The following SSU72 variants were observed in gnomAD, a reference collection of about 807,000 sequenced individuals.
SSU72 encodes the protein SSU72 homolog, RNA polymerase II CTD phosphatase.
SSU72 carries 12 observed loss-of-function variants against 22.7 expected under a neutral mutation model. The ratio of observed to expected loss-of-function variants is 0.53; its 90% CI spans 0.34 to 0.86. SSU72 has a LOEUF of 0.86. Among genes scored for constraint, SSU72 ranks in the 40% least tolerant of loss-of-function variants. The pLI, the probability that SSU72 is intolerant of heterozygous loss-of-function variation, is 0.02. For synonymous variants in SSU72, 116 were observed against 98.3 expected (o/e 1.18, Z -1.06); for missense variants, 151 against 249.8 (o/e 0.60, Z 2.67).
At chr1:1,568,445 A>T (rs1217905471) in intron 1 of SSU72, among the ~76,000 whole-genome samples, 5 of 151,848 alleles carry the variant, frequency 3.3e-5, no homozygotes, top group African/African-American at 4.8e-5. Flanking sequence ...AAAAAAATAA[A>T]AAAATAAAAA....
intron 3 of SSU72, among the ~76,000 whole-genome samples, chr1:1,544,476 G>T (rs1437013139): frequency 6.6e-6 from 1 of 152,074 alleles, no homozygotes; most frequent in East Asian, 1.9e-4. Context: ...AAATCAGCTG[G>T]GTGTGGTGGC....
In SSU72 at chr1:1,544,301, C is replaced by G. The variant is rs554974993; in HGVS notation, c.365-314G>C. 7.2e-5 allele frequency among the ~76,000 whole-genome samples: 11 copies of G among 152,312 alleles called. No homozygotes were observed. The South Asian group carries it at 2.1e-3, about 29-fold the overall frequency. ...AAGACCAGCCCTCCCTGCTCCACCGCCAGCTCCACACAGGGTCCATCCGCT... is the reference window on the plus strand; with the variant it reads ...AAGACCAGCCCTCCCTGCTCCACCGGCAGCTCCACACAGGGTCCATCCGCT... On this transcript the variant is annotated intron_variant, in intron 3 of 4. Transcript: ENST00000291386.
intron 1 of SSU72, among the ~76,000 whole-genome samples, chr1:1,566,026 A>T (rs1485117799): frequency 6.6e-6 from 1 of 151,720 alleles, no homozygotes; most frequent in Non-Finnish European, 1.5e-5. Context: ...GGAGGCCGAG[A>T]CAAATGGATC....
chr1:1,571,230 G>C (rs1163417586), intron 1 of SSU72, among the ~76,000 whole-genome samples: 4 of 119,412 alleles, frequency 3.3e-5, no homozygotes, highest in Admixed American at 3.2e-4. Context: ...GGGCGACAGA[G>C]TGAGACTCCA....
At chr1:1,549,509 ACT>A (rs1274463446) in intron 2 of SSU72, among the ~76,000 whole-genome samples, 5 of 145,132 alleles carry the variant, frequency 3.4e-5, no homozygotes, top group African/African-American at 1.3e-4. Flanking sequence ...ACAGAGCGAG[ACT>A]CTGTCTCAAA....
At chr1:1,559,260 A>G (rs929314151) in intron 2 of SSU72, among the ~76,000 whole-genome samples, 1 of 152,140 alleles carries the variant, frequency 6.6e-6, no homozygotes, top group Admixed American at 6.6e-5. Flanking sequence ...GCTAAACTGG[A>G]CGGTGTGGAA....
chr1:1,560,216 G>A (rs940626999), intron 2 of SSU72, among the ~76,000 whole-genome samples: 4 of 151,954 alleles, frequency 2.6e-5, no homozygotes, highest in Admixed American at 6.6e-5. Context: ...CAAGAGTCTT[G>A]TTCTCTTCCT....
chr1:1,564,342 G>A (rs968360984), intron 2 of SSU72: 33 of 818,290 alleles, frequency 4.0e-5, no homozygotes, highest in Middle Eastern at 3.7e-4. Flanking sequence ...ACCTTCTAAC[G>A]ACCTCACCAG....
At position 1,544,927 on chromosome 1, in the gene SSU72, G is replaced by A. The variant is rs202133536; in HGVS notation, c.300C>T (p.Asn100=). 5 of 1,614,214 alleles carry A rather than the reference G, an allele frequency of 3.1e-6. No individual in the cohort carries two copies. In the East Asian group the frequency reaches 8.9e-5, roughly 29 times the overall value. The change falls in exon 3 of 5, where the codon AAC becomes AAT. Residue 100 remains asparagine, a synonymous_variant. Transcript: ENST00000291386. ...GGATCAGATCAAACAGGTCTTTGCA[G>A]TTCTGGAATCTTTCTGGCCGGGGCT... ...RIKPRPERFQ[N]CKDLFDLILT...
rs771090675 is a variant in SSU72 at position 1,554,349 on chromosome 1, C to G, written c.225-9347G>C. On this transcript the variant is annotated intron_variant, in intron 2 of 4. Transcript: ENST00000291386. This position sits in a 1 kb window ranked among gnomAD's most constrained non-coding sequence, Gnocchi z 4.1. ...GAGCATGAGGCGGATCCGGACCACT[C>G]GGGGGTCCCCACGAAGCTGAGCATG... Among the ~76,000 whole-genome samples, 1 of 145,102 alleles carries G rather than the reference C, an allele frequency of 6.9e-6. No homozygotes were observed. Among genetic ancestry groups the G allele is most frequent in the Non-Finnish European group, 1.5e-5 (1 of 65,838 alleles).
intron 2 of SSU72, among the ~76,000 whole-genome samples, chr1:1,552,834 A>C (rs1336471072): frequency 6.6e-6 from 1 of 152,120 alleles, no homozygotes; most frequent in East Asian, 1.9e-4. Context: ...CAGCCTGGCC[A>C]ATATGGCAAA....
intron 3 of SSU72, 84 bp downstream of exon 3, chr1:1,544,779 A>G: frequency 1.3e-6 from 2 of 1,592,608 alleles, no homozygotes; most frequent in African/African-American, 1.3e-5. Context: ...GACGGGCTGT[A>G]CTGGTCATGG....
At chr1:1,573,816 A>C (rs1366336274) in intron 1 of SSU72, among the ~76,000 whole-genome samples, 7 of 152,154 alleles carry the variant, frequency 4.6e-5, no homozygotes, top group Non-Finnish European at 1.0e-4. Context: ...ACTGTAAGTC[A>C]AGTGGTCAGT....
rs372571362 is a variant in SSU72 at position 1,574,605 on chromosome 1, A to C, written c.-48T>G. ...GCTCTCCCGCTTGGGTTCCCACCCT[A>C]CCGCGGCGCTTCCGCGCGAACAAAA... is the stretch of plus-strand genomic sequence containing the variant. On this transcript the variant is annotated 5_prime_UTR_variant, in exon 1 of 5. Transcript: ENST00000291386. 6.6e-7 allele frequency: 1 copy of C among 1,523,646 alleles called. No individual in the cohort carries two copies. The highest frequency in any genetic ancestry group is 8.8e-7 in the Non-Finnish European group (1 of 1,134,366). 94.4% of individuals were successfully genotyped at this position (1,523,646 alleles called of 1,614,324 possible).
chr1:1,568,227 G>C (rs1642685786), intron 1 of SSU72, among the ~76,000 whole-genome samples: 1 of 152,212 alleles, frequency 6.6e-6, no homozygotes, highest in Admixed American at 6.5e-5. Flanking sequence ...ACACCAACAG[G>C]CTTCGCCTGA....
At chr1:1,545,098 ACAGCAGAGG>A (rs1642375018) in intron 2 of SSU72, 96 bp from the exon 3 acceptor site, 1 of 1,458,770 alleles carries the variant, frequency 6.9e-7, no homozygotes, top group African/African-American at 1.4e-5. Context: ...TCCCTGCCCC[ACAGCAGAGG>A]CAGCCGGGAC....
Position 1,544,894 on chromosome 1 carries a change from G to C in SSU72, c.333C>G (p.Cys111Trp). 2 of 1,614,210 alleles carry C rather than the reference G, an allele frequency of 1.2e-6. No individual in the cohort carries two copies. Among genetic ancestry groups the C allele is most frequent in the Admixed American group, 1.7e-5 (1 of 60,026 alleles). Residue 111 changes from cysteine to tryptophan, a missense_variant, in exon 3 of 5, where the codon TGC becomes TGG. By Grantham distance (215) the Cys-to-Trp change is radical (BLOSUM62 -2). Transcript: ENST00000291386. The part of the protein sequence containing the change: ...CKDLFDLILT[C>W]EERVYDQVVE... ...CCACCTGGTCATACACTCTCTCTTC[G>C]CAAGTGAGGATCAGATCAAACAGGT...
intron 2 of SSU72, among the ~76,000 whole-genome samples, chr1:1,559,990 G>A (rs559347571): frequency 6.6e-6 from 1 of 152,146 alleles, no homozygotes; most frequent in Non-Finnish European, 1.5e-5. Context: ...CTCCCAAAGT[G>A]CTGGGATTAC....
At chr1:1,569,658 A>G (rs12118054) in intron 1 of SSU72, among the ~76,000 whole-genome samples, 2,580 of 152,194 alleles carry the variant, frequency 0.017, 27 homozygotes, top group Non-Finnish European at 0.027. Context: ...ATGTGCAACC[A>G]CATGTGGCTA....
Sources: gnomAD v4.1 joint callset for allele counts (sites outside exome capture counted in the v4.1 genomes callset) on GRCh38, gnomAD v4.1.1 for gene constraint, Gnocchi (gnomAD v3.1) non-coding constraint, MANE v1.5 for transcripts, NCBI Gene and HGNC (gene_info 2026-07-23, HGNC 2026-07-21) for gene names.